PRKRIP1: variants seen among roughly 807,000 people sequenced by gnomAD.
PRKRIP1 encodes the protein PRKR interacting protein 1, also known as PRKR-interacting protein 1.
A neutral mutation model predicts 29.3 loss-of-function variants in PRKRIP1; 29 were observed. That is an observed-to-expected ratio of 0.99 (90% confidence interval 0.74 to 1.35). PRKRIP1 has a LOEUF of 1.35. Ranked by LOEUF, PRKRIP1 falls within the 40% of genes most tolerant of loss-of-function variation. The pLI is 0.00. For missense variants in PRKRIP1, 247 were observed against 236.8 expected, an observed-to-expected ratio of 1.04 and a Z score of -0.28; for synonymous variants, 90 against 85.1, an observed-to-expected ratio of 1.06 and a Z score of -0.32.
intron 3 of PRKRIP1, among the ~76,000 whole-genome samples, chr7:102,400,603 C>T (rs1001444623): frequency 6.6e-6 from 1 of 152,014 alleles, no homozygotes; most frequent in South Asian, 2.1e-4. Context: ...ACTGTACACT[C>T]GAGATCTGGG....
intron 5 of PRKRIP1, among the ~76,000 whole-genome samples, chr7:102,420,715 TC>T (rs571213336): frequency 1.7e-3 from 259 of 152,176 alleles, no homozygotes; most frequent in African/African-American, 6.0e-3. Context: ...AGGTTGAGCA[TC>T]CCAAACCCAA....
intron 5 of PRKRIP1, among the ~76,000 whole-genome samples, chr7:102,409,822 T>A (rs1397801394): frequency 6.6e-6 from 1 of 151,790 alleles, no homozygotes; most frequent in African/African-American, 2.4e-5. Context: ...AGATTCTGTC[T>A]CAAAAAAATA....
At chr7:102,407,352 A>G in intron 4 of PRKRIP1, 82 bp from the exon 5 acceptor site, 1 of 808,004 alleles carries the variant, frequency 1.2e-6, no homozygotes, top group Non-Finnish European at 2.1e-6. Flanking sequence ...CAGGTTTTAG[A>G]GATACCATAA....
At chr7:102,404,742 G>C in intron 4 of PRKRIP1, 59 bp downstream of exon 4, 1 of 1,344,616 alleles carries the variant, frequency 7.4e-7, no homozygotes, top group South Asian at 1.2e-5. Context: ...GGCTGGGTGA[G>C]CTGTCCTTGC....
chr7:102,412,071 T>G (rs1554572599), intron 5 of PRKRIP1, among the ~76,000 whole-genome samples: 6 of 151,934 alleles, frequency 3.9e-5, no homozygotes. Context: ...TTAGTAGAGA[T>G]GGTGTTTCAC....
chr7:102,407,533 T>A, intron 5 of PRKRIP1, 35 bp downstream of exon 5: 1 of 1,504,660 alleles, frequency 6.6e-7, no homozygotes, highest in East Asian at 2.3e-5. Flanking sequence ...CTGTAGCTTC[T>A]TTCTTCTTGT....
At chr7:102,411,624 A>G (rs1796384626) in intron 5 of PRKRIP1, among the ~76,000 whole-genome samples, 1 of 151,948 alleles carries the variant, frequency 6.6e-6, no homozygotes, top group African/African-American at 2.4e-5. Flanking sequence ...ACCTAAGGTG[A>G]TCCGCCCACC....
At chr7:102,398,514 A>C (rs1795978887) in intron 2 of PRKRIP1, among the ~76,000 whole-genome samples, 1 of 151,926 alleles carries the variant, frequency 6.6e-6, no homozygotes, top group African/African-American at 2.4e-5. Flanking sequence ...TGAACTCCTG[A>C]CCTCAGGTGA....
chr7:102,413,782 A>G (rs1796459477), intron 5 of PRKRIP1, among the ~76,000 whole-genome samples: 1 of 152,194 alleles, frequency 6.6e-6, no homozygotes, highest in Admixed American at 6.5e-5. Context: ...TGTACTTACA[A>G]GGATTTTTTT....
chr7:102,418,449 C>T (rs1796610395), intron 5 of PRKRIP1, among the ~76,000 whole-genome samples: 1 of 152,190 alleles, frequency 6.6e-6, no homozygotes, highest in African/African-American at 2.4e-5. Context: ...TTTAGGCTCT[C>T]TCAGCTGACA....
chr7:102,403,387 C>CT (rs1313211371), intron 3 of PRKRIP1, among the ~76,000 whole-genome samples: 33 of 152,322 alleles, frequency 2.2e-4, no homozygotes, highest in Admixed American at 1.8e-3. Context: ...TTGAAGGCAC[C>CT]TCTTCCTCCT....
At chr7:102,411,138 A>C (rs576473304) in intron 5 of PRKRIP1, among the ~76,000 whole-genome samples, 1 of 152,232 alleles carries the variant, frequency 6.6e-6, no homozygotes, top group South Asian at 2.1e-4. Flanking sequence ...TATGTTGTCC[A>C]GGCTTGTCTT....
At chr7:102,398,267 T>TTTTTTG (rs375337744) in intron 2 of PRKRIP1, among the ~76,000 whole-genome samples, 10 of 151,864 alleles carry the variant, frequency 6.6e-5, no homozygotes, top group African/African-American at 2.2e-4. Context: ...TATTGCGGTT[T>TTTTTTG]TTTTTGTTTT....
chr7:102,413,252 C>T (rs977920339), intron 5 of PRKRIP1, among the ~76,000 whole-genome samples: 20 of 152,216 alleles, frequency 1.3e-4, no homozygotes, highest in Admixed American at 7.2e-4. Context: ...GGGAGGAGGA[C>T]GGAATTGTTC....
At chr7:102,421,048 C>A (rs1167247317) in intron 5 of PRKRIP1, among the ~76,000 whole-genome samples, 1 of 152,134 alleles carries the variant, frequency 6.6e-6, no homozygotes, top group African/African-American at 2.4e-5. Flanking sequence ...TTTGCTTGTT[C>A]TCTGCTTTGT....
intron 5 of PRKRIP1, among the ~76,000 whole-genome samples, chr7:102,413,833 T>C (rs566043510): frequency 5.6e-4 from 85 of 152,298 alleles, no homozygotes; most frequent in Non-Finnish European, 8.5e-4. Context: ...AGTGTGTGCT[T>C]CAGTTGCAGT....
intron 5 of PRKRIP1, among the ~76,000 whole-genome samples, chr7:102,421,741 G>A (rs1796698723): frequency 6.6e-6 from 1 of 151,760 alleles, no homozygotes; most frequent in Non-Finnish European, 1.5e-5. Flanking sequence ...AGGTCGCAGT[G>A]AGCCAAGATC....
Position 102,426,533 on chromosome 7 carries a change from C to G in PRKRIP1, c.*1422C>G, listed in dbSNP as rs1407264510. 1 of 146,878 alleles carries G rather than the reference C, an allele frequency of 6.8e-6. No homozygotes were observed. Among genetic ancestry groups the G allele is most frequent in the Non-Finnish European group, 1.5e-5 (1 of 65,670 alleles). The allele number at this position is 146,878 out of a possible 1,614,324, so 9.1% of individuals were successfully genotyped here. ...TTTTACTTCTGTAGTGTAGATTGCC[C>G]CGGCCCCTCTCTGAGCCCTGTAGCA... On this transcript the variant is annotated 3_prime_UTR_variant, in exon 6 of 6. Transcript: ENST00000397912.
At chr7:102,412,757 G>A (rs1298816808) in intron 5 of PRKRIP1, among the ~76,000 whole-genome samples, 1 of 152,158 alleles carries the variant, frequency 6.6e-6, no homozygotes, top group Non-Finnish European at 1.5e-5. Context: ...AGCTATTTTG[G>A]CTCTTCTCCT....
Sources: gnomAD v4.1 joint callset for allele counts (sites outside exome capture counted in the v4.1 genomes callset) on GRCh38, gnomAD v4.1.1 for gene constraint, MANE v1.5 for transcripts, NCBI Gene and HGNC (gene_info 2026-07-23, HGNC 2026-07-21) for gene names.